The following CSPG4 variants were observed in gnomAD, a reference collection of about 807,000 sequenced individuals.
CSPG4 encodes chondroitin sulfate proteoglycan 4.
Under a neutral mutation model 139.3 loss-of-function variants are expected in CSPG4, and 74 were observed. The observed-to-expected ratio is 0.53, with a 90% CI of 0.44 to 0.64. The LOEUF is 0.64. Among genes scored for constraint, CSPG4 ranks in the 30% least tolerant of loss-of-function variants. The pLI is 0.00. For synonymous variants in CSPG4, 1,234 were observed against 1,394.2 expected, an observed-to-expected ratio of 0.89 and a Z score of 2.56; for missense variants, 2,565 against 3,148.3, an observed-to-expected ratio of 0.81 and a Z score of 4.43.
rs1476899106 is a variant in CSPG4, at chr15:75,688,175, C to T, written c.2890G>A (p.Asp964Asn). 1 of 1,612,858 alleles carries T rather than the reference C, an allele frequency of 6.2e-7. No individual in the cohort carries two copies. Among genetic ancestry groups the T allele is most frequent in the Admixed American group, 1.7e-5 (1 of 60,020 alleles). ...TTMVTSFTNE[D>N]LLRGRLVYQH... ...TAGACCAGCCGGCCACGCAACAGGT[C>T]TTCATTGGTGAAGGATGTCACCATA... The change falls in exon 3 of 10, where the codon GAC (aspartate) becomes AAC (asparagine). Residue 964 changes from aspartate (D) to asparagine (N), a missense_variant. Transcript: ENST00000308508.
At chr15:75,701,657 C>A (rs1395962708) in intron 1 of CSPG4, among the ~76,000 whole-genome samples, 1 of 152,212 alleles carries the variant, frequency 6.6e-6, no homozygotes, top group Non-Finnish European at 1.5e-5. Flanking sequence ...GCCTCAGGCC[C>A]AGCCTCTGCT....
chr15:75,701,985 C>T (rs751454610), intron 1 of CSPG4, among the ~76,000 whole-genome samples: 57 of 152,254 alleles, frequency 3.7e-4, no homozygotes, highest in Non-Finnish European at 5.0e-4. Context: ...ATCTTCCTCT[C>T]TTGCTCCCTG....
chr15:75,708,741 T>G (rs1417166450), intron 1 of CSPG4, among the ~76,000 whole-genome samples: 2 of 152,214 alleles, frequency 1.3e-5, no homozygotes, highest in Non-Finnish European at 2.9e-5. Context: ...AAAATAGGAC[T>G]GTTGGACAGG....
intron 1 of CSPG4, among the ~76,000 whole-genome samples, chr15:75,699,750 T>C (rs1596012480): frequency 6.6e-6 from 1 of 151,978 alleles, no homozygotes; most frequent in African/African-American, 2.4e-5. Flanking sequence ...AATGGTGTCT[T>C]TGTGGAAGTC....
Position 75,689,382 on chromosome 15 carries a change from G to C in CSPG4, c.1683C>G (p.Ser561Arg). 6.2e-7 allele frequency: 1 copy of C among 1,612,598 alleles called. No individual in the cohort carries two copies. The highest frequency in any genetic ancestry group is 1.1e-5 in the South Asian group (1 of 91,062). The change falls in exon 3 of 10, where the codon AGC becomes AGG. Residue 561 changes from serine to arginine, a missense_variant. Around this residue, in one of 5 missense-constraint regions of CSPG4, gnomAD observed 2,316 missense variants for 2,818.2 expected, o/e 0.82. Transcript: ENST00000308508. ...DPPHIIFPHG[S>R]LMVILEHTQK... ...GCGTGTGTTCCAGGATCACCATGAG[G>C]CTGCCATGTGGGAAGATGATGTGGG...
upstream of CSPG4, chr15:75,712,849 G>A (rs1292482899): frequency 1.1e-5 from 12 of 1,129,372 alleles, no homozygotes; most frequent in Non-Finnish European, 1.3e-5. Flanking sequence ...TCCTGGGCGC[G>A]GGCCGGCTCC....
chr15:75,712,240 T>G (rs1230486897), intron 1 of CSPG4, among the ~76,000 whole-genome samples: 3 of 151,070 alleles, frequency 2.0e-5, no homozygotes, highest in Non-Finnish European at 4.4e-5. Context: ...GCACTCCCCA[T>G]TCCTGGCCCA....
intron 1 of CSPG4, among the ~76,000 whole-genome samples, chr15:75,699,203 G>T (rs902472076): frequency 6.6e-6 from 1 of 152,228 alleles, no homozygotes; most frequent in Admixed American, 6.5e-5. Flanking sequence ...CCAGTGGGGT[G>T]CTGGAGTGCT....
In CSPG4 at chr15:75,698,326, G is replaced by A. The variant is rs192500677; in HGVS notation, c.89-5093C>T. On this transcript the variant is annotated intron_variant, in intron 1 of 9. Coordinates refer to ENST00000308508, the MANE Select transcript of CSPG4 (RefSeq NM_001897.5). This position sits in a 1 kb window ranked among gnomAD's most constrained non-coding sequence, Gnocchi z 4.3. ...CTCATAGGTGTGTATGTGGTGGGGC[G>A]GGGGGTGGTCGTGGCCCACCTGGGG... Among the ~76,000 whole-genome samples, 4 of 147,766 alleles carry A rather than the reference G, an allele frequency of 2.7e-5. No homozygotes were observed. The South Asian group carries it at 6.4e-4, about 23-fold the overall frequency.
Position 75,693,171 on chromosome 15 carries a change from G to C in CSPG4, c.151C>G (p.Leu51Val). ...TGGGACGTGGAGAACTGCAGCTGCA[G>C]GTCTATGTCGGTCAGAGCCGTGGCC... ...PVATALTDIDLQLQFSTSQPE... is the reference protein window; with the variant it reads ...PVATALTDIDVQLQFSTSQPE... The change falls in exon 2 of 10, where the codon CTG becomes GTG. Residue 51 changes from leucine to valine, a missense_variant. Leu to Val is a conservative substitution (Grantham distance 32, BLOSUM62 1). Coordinates refer to ENST00000308508, the MANE Select transcript of CSPG4 (RefSeq NM_001897.5). 1 of 1,609,246 alleles carries C rather than the reference G, an allele frequency of 6.2e-7. No individual in the cohort carries two copies. Among genetic ancestry groups the C allele is most frequent in the South Asian group, 1.1e-5 (1 of 90,126 alleles).
chr15:75,677,300 GGTGATGGAAC>G lies in CSPG4; in HGVS notation c.5209_5218del (p.Val1737ProfsTer45). On this transcript the variant is annotated frameshift_variant, in exon 10 of 10. Coordinates refer to ENST00000308508, the MANE Select transcript of CSPG4 (RefSeq NM_001897.5). LOFTEE classifies it low-confidence loss of function (END_TRUNC). The stretch of plus-strand genomic sequence containing the variant: ...GAGCACATCATGCTCTGAGCGCTGG[GGTGATGGAAC>G]GCTGGCCAAGAGATTGGAGGCATCC... The G allele has an allele frequency of 6.9e-7, 1 of 1,453,022 alleles. No homozygotes were observed. The highest frequency in any genetic ancestry group is 2.7e-5 in the Admixed American group (1 of 37,206). The allele number at this position is 1,453,022 out of a possible 1,614,324, so 90.0% of individuals were successfully genotyped here.
In CSPG4 at chr15:75,687,699, G is replaced by A; in HGVS notation, c.3366C>T (p.Ala1122=). ...TGGCCACACGGAGGTAGGGTTCCGA[G>A]GCCTGCACCTCCAGCAGCGCAGTGG... ...HQATALLEVQ[A]SEPYLRVANG... The change falls in exon 3 of 10, where the codon GCC becomes GCT. Residue 1122 remains alanine (A), a synonymous_variant. Coordinates refer to ENST00000308508, the MANE Select transcript of CSPG4 (RefSeq NM_001897.5). This position sits in a 1 kb window ranked among gnomAD's most constrained non-coding sequence, Gnocchi z 5.4. The A allele has an allele frequency of 6.2e-7, 1 of 1,612,938 alleles. No homozygotes were observed. The highest frequency in any genetic ancestry group is 8.5e-7 in the Non-Finnish European group (1 of 1,179,966).
intron 1 of CSPG4, among the ~76,000 whole-genome samples, chr15:75,711,753 G>A (rs577478537): frequency 3.0e-4 from 45 of 152,004 alleles, no homozygotes; most frequent in African/African-American, 9.4e-4. Context: ...TGAATCACAC[G>A]TGGGTAGTGA....
chr15:75,712,850 G>T, upstream of CSPG4: 1 of 1,096,196 alleles, frequency 9.1e-7, no homozygotes, highest in Non-Finnish European at 1.2e-6. Context: ...CCTGGGCGCG[G>T]GCCGGCTCCG....
rs189883018 is a variant in CSPG4, at chr15:75,683,047, A to G, written c.4450-6T>C. On this transcript the variant is annotated splice_region_variant and splice_polypyrimidine_tract_variant and intron_variant, in intron 5 of 9. Transcript: ENST00000308508. Reference sequence around the variant, plus strand: ...GCAGTGGCCCCCTCCCACATCTGGGAACACAGGCCTGTGAAGGTTCTGCCT... The same window carrying G: ...GCAGTGGCCCCCTCCCACATCTGGGGACACAGGCCTGTGAAGGTTCTGCCT... 169 of 1,608,392 alleles carry G rather than the reference A, an allele frequency of 1.1e-4. No individual in the cohort carries two copies. In the African/African-American group the frequency reaches 1.2e-3, roughly 12 times the overall value.
rs766119855 is a variant in CSPG4 at position 75,676,816 on chromosome 15, T to C, written c.5703A>G (p.Ser1901=). ...VTRFTQADVD[S]GRLAFVANGS... is the part of the protein sequence containing the mutation. ...CGTTGGCCACGAAGGCCAGCCGCCC[T>C]GAATCCACATCGGCTTGCGTGAAGC... Residue 1901 remains serine (S), a synonymous_variant, in exon 10 of 10, where the codon TCA becomes TCG. Coordinates refer to ENST00000308508, the MANE Select transcript of CSPG4 (RefSeq NM_001897.5). 1 of 1,546,442 alleles carries C rather than the reference T, an allele frequency of 6.5e-7. No homozygotes were observed.
At chr15:75,710,460 GC>G (rs1351717081) in intron 1 of CSPG4, among the ~76,000 whole-genome samples, 1 of 152,122 alleles carries the variant, frequency 6.6e-6, no homozygotes, top group Non-Finnish European at 1.5e-5. Flanking sequence ...CAGGCTGGGA[GC>G]ACCCTCGAAG....
intron 1 of CSPG4, among the ~76,000 whole-genome samples, chr15:75,711,972 T>C (rs1894452447): frequency 6.6e-6 from 1 of 151,218 alleles, no homozygotes; most frequent in Non-Finnish European, 1.5e-5. Context: ...GGTCCAGAGC[T>C]ATCTGTAGGA....
rs1231724369 is a variant in CSPG4, at chr15:75,682,665, C to T, written c.4725G>A (p.Thr1575=). ...GCGAGAGGAGCACTTGCTTCTGGGCCGTCACTCGGAAGAAGTGTCCGGGGG... is the reference window on the plus strand; with the variant it reads ...GCGAGAGGAGCACTTGCTTCTGGGCTGTCACTCGGAAGAAGTGTCCGGGGG... ...HTSPGHFFRV[T]AQKQVLLSLK... The change falls in exon 7 of 10, where the codon ACG becomes ACA. Residue 1575 remains threonine (T), a synonymous_variant. Coordinates refer to ENST00000308508, the MANE Select transcript of CSPG4 (RefSeq NM_001897.5). 11 of 1,613,084 alleles carry T rather than the reference C, an allele frequency of 6.8e-6. No individual in the cohort carries two copies. The highest frequency in any genetic ancestry group is 3.3e-4 in the Middle Eastern group (2 of 6,062).
Sources: allele counts gnomAD v4.1 joint callset (sites outside exome capture counted in the v4.1 genomes callset), GRCh38; gene constraint gnomAD v4.1.1; regional missense constraint gnomAD v4.1.1; non-coding constraint Gnocchi (gnomAD v3.1); transcripts MANE v1.5; gene names NCBI Gene and HGNC (gene_info 2026-07-23, HGNC 2026-07-21).